The following PEX5L variants were observed in gnomAD, a reference collection of about 807,000 sequenced individuals.
PEX5L encodes PEX5-related protein.
Under a neutral mutation model 84.0 loss-of-function variants are expected in PEX5L, and 30 were observed. The observed-to-expected ratio is 0.36, with a 90% CI of 0.27 to 0.48. PEX5L has a LOEUF of 0.48. Among genes scored for constraint, PEX5L ranks in the 20% least tolerant of loss-of-function variants. PEX5L has a pLI of 0.99. For synonymous variants in PEX5L, 270 were observed against 283.1 expected (o/e 0.95, Z 0.46); for missense variants, 533 against 754.6 (o/e 0.71, Z 3.44).
chr3:179,846,542 A>G (rs1039913330), intron 8 of PEX5L, among the ~76,000 whole-genome samples: 3 of 152,120 alleles, frequency 2.0e-5, no homozygotes, highest in African/African-American at 2.4e-5. Context: ...TGGGCCATGG[A>G]GTGCTGAGGT....
At chr3:179,942,869 C>T (rs1169848401) in intron 2 of PEX5L, among the ~76,000 whole-genome samples, 1 of 152,202 alleles carries the variant, frequency 6.6e-6, no homozygotes, top group Non-Finnish European at 1.5e-5. Flanking sequence ...ATATAGTAGA[C>T]ATAATGGAAA....
At chr3:179,941,111 T>C (rs1180565422) in intron 2 of PEX5L, among the ~76,000 whole-genome samples, 1 of 152,206 alleles carries the variant, frequency 6.6e-6, no homozygotes, top group African/African-American at 2.4e-5. Context: ...TAGAAGTATG[T>C]GAAGGGTGGG....
intron 2 of PEX5L, among the ~76,000 whole-genome samples, chr3:179,908,362 C>T (rs1355916157): frequency 6.6e-6 from 1 of 152,162 alleles, no homozygotes; most frequent in African/African-American, 2.4e-5. Flanking sequence ...AGGAAGGCCA[C>T]GTGGCATGTT....
In PEX5L at chr3:179,796,977, T is replaced by A. The variant is rs1226058802; in HGVS notation, c.*4851A>T. On this transcript the variant is annotated 3_prime_UTR_variant, in exon 15 of 15. Transcript: ENST00000467460. ...CTACTTCGTTGTGTGATGATTTTGA[T>A]GTGCCTGACATTACCCCAACCTCCT... 2 of 152,220 alleles carry A rather than the reference T, an allele frequency of 1.3e-5. No homozygotes were observed. Among genetic ancestry groups the A allele is most frequent in the African/African-American group, 4.8e-5 (2 of 41,460 alleles). 9.4% of individuals were successfully genotyped at this position (152,220 alleles called of 1,614,324 possible). A position where few individuals can be genotyped will look rare whatever the true frequency, so the allele number is the denominator to read the frequency against.
intron 2 of PEX5L, among the ~76,000 whole-genome samples, chr3:179,966,487 A>G (rs10804881): frequency 0.53 from 79,858 of 151,974 alleles, 21,940 homozygotes; most frequent in East Asian, 0.89. Context: ...AGGCAGGAAC[A>G]CATATTACCC....
intron 8 of PEX5L, among the ~76,000 whole-genome samples, chr3:179,832,097 T>C (rs1250189642): frequency 6.6e-6 from 1 of 152,106 alleles, no homozygotes; most frequent in Admixed American, 6.5e-5. Flanking sequence ...TACAGTTGTC[T>C]ATATAAGAGA....
intron 2 of PEX5L, 25 bp from the exon 3 acceptor site, chr3:179,898,271 C>T: frequency 6.8e-7 from 1 of 1,475,074 alleles, no homozygotes; most frequent in Non-Finnish European, 9.5e-7. Flanking sequence ...TCAACAATGA[C>T]TGTGTCAGGA....
intron 1 of PEX5L, among the ~76,000 whole-genome samples, chr3:180,030,737 A>G (rs1791380044): frequency 6.6e-6 from 1 of 152,156 alleles, no homozygotes; most frequent in South Asian, 2.1e-4. Context: ...ATAGATCACC[A>G]TATGGCATTC....
At chr3:179,934,672 ATAT>A (rs2109686240) in intron 2 of PEX5L, among the ~76,000 whole-genome samples, 1 of 152,310 alleles carries the variant, frequency 6.6e-6, no homozygotes, top group East Asian at 1.9e-4. Flanking sequence ...TAACCAGAAA[ATAT>A]TATTATGAAT....
intron 11 of PEX5L, 59 bp from the exon 12 acceptor site, chr3:179,809,727 T>C: frequency 7.6e-7 from 1 of 1,308,744 alleles, no homozygotes; most frequent in Admixed American, 2.2e-5. Flanking sequence ...CTAACAGTTC[T>C]TCAGAAAATG....
chr3:179,996,991 T>A (rs1011166196), intron 1 of PEX5L, among the ~76,000 whole-genome samples: 1 of 152,130 alleles, frequency 6.6e-6, no homozygotes, highest in African/African-American at 2.4e-5. Context: ...AAAGACTAAT[T>A]TGAATTATAA....
chr3:179,797,605 A>AATATATATATATATAT lies in PEX5L; in HGVS notation c.*4207_*4222dup, dbSNP rs568586727. 6.7e-5 allele frequency: 6 copies of AATATATATATATATAT among 89,170 alleles called. No homozygotes were observed. The highest frequency in any genetic ancestry group is 2.3e-4 in the African/African-American group (5 of 22,196). 5.5% of individuals were successfully genotyped at this position (89,170 alleles called of 1,614,324 possible). On this transcript the variant is annotated 3_prime_UTR_variant, in exon 15 of 15. Transcript: ENST00000467460. ...AACACTCTTTAAAAAAAAAAAAAAA[A>AATATATATATATATAT]ATATATATATATATATATATATATA...
chr3:179,874,361 G>C lies in PEX5L; in HGVS notation c.692C>G (p.Ser231Trp). The C allele has an allele frequency of 4.3e-6, 7 of 1,612,416 alleles. No individual in the cohort carries two copies. Among genetic ancestry groups the C allele is most frequent in the Non-Finnish European group, 5.9e-6 (7 of 1,178,904 alleles). ...AGCCACTAATTCCAATTCTGAAGCC[G>C]ACTCAGAGTTGAGGGCGCTTTTTCC... ...SGGKSALNSE[S>W]ASELELVAPT... Residue 231 changes from serine to tryptophan, a missense_variant, in exon 7 of 15, where the codon TCG becomes TGG. Physicochemically the swap from Ser to Trp is radical, Grantham distance 177 (BLOSUM62 -3). This residue lies in a region of PEX5L where 259 missense variants were observed against 301.7 expected (regional missense o/e 0.86). Coordinates refer to ENST00000467460, the MANE Select transcript of PEX5L (RefSeq NM_016559.3).
chr3:179,986,229 C>T (rs1387080538), intron 1 of PEX5L, among the ~76,000 whole-genome samples: 1 of 150,622 alleles, frequency 6.6e-6, no homozygotes, highest in Non-Finnish European at 1.5e-5. Flanking sequence ...ATCCACTAAA[C>T]ATTGTGGTTT....
chr3:179,920,083 T>C (rs1438295639), intron 2 of PEX5L, among the ~76,000 whole-genome samples: 1 of 152,162 alleles, frequency 6.6e-6, no homozygotes, highest in African/African-American at 2.4e-5. Context: ...AAATGTCCAT[T>C]AGAAAAACAA....
At chr3:180,021,309 T>C (rs1304609989) in intron 1 of PEX5L, among the ~76,000 whole-genome samples, 3 of 152,184 alleles carry the variant, frequency 2.0e-5, no homozygotes, top group Non-Finnish European at 4.4e-5. Flanking sequence ...ACATTGTAGA[T>C]GAGAAAACAG....
chr3:179,952,196 T>C (rs771234272), intron 2 of PEX5L, among the ~76,000 whole-genome samples: 4 of 152,202 alleles, frequency 2.6e-5, no homozygotes, highest in Non-Finnish European at 4.4e-5. Flanking sequence ...CCGGATTCTG[T>C]AATATCAAAC....
chr3:179,949,537 TA>T (rs1277165907), intron 2 of PEX5L, among the ~76,000 whole-genome samples: 1 of 152,198 alleles, frequency 6.6e-6, no homozygotes, highest in Non-Finnish European at 1.5e-5. Flanking sequence ...TTACTTTATA[TA>T]AAACATCTGG....
In PEX5L at chr3:179,903,057, T is replaced by A. The variant is rs562366856; in HGVS notation, c.94-4811A>T. Among the ~76,000 whole-genome samples, 459 of 152,230 alleles carry A rather than the reference T, an allele frequency of 3.0e-3. 4 individuals carry two copies. Among genetic ancestry groups the A allele is most frequent in the African/African-American group, 0.01 (425 of 41,554 alleles). ...ACTCTAATATTTTCATGAATTTTTTTAAAAAAATTATTTTATTTTATAATA... is the reference window on the plus strand; with the variant it reads ...ACTCTAATATTTTCATGAATTTTTTAAAAAAAATTATTTTATTTTATAATA... On this transcript the variant is annotated intron_variant, in intron 2 of 14. Coordinates refer to ENST00000467460, the MANE Select transcript of PEX5L (RefSeq NM_016559.3).
Sources: allele counts gnomAD v4.1 joint callset (sites outside exome capture counted in the v4.1 genomes callset), GRCh38; gene constraint gnomAD v4.1.1; regional missense constraint gnomAD v4.1.1; transcripts MANE v1.5; gene names NCBI Gene and HGNC (gene_info 2026-07-23, HGNC 2026-07-21).